The following PLCZ1 variants were observed in gnomAD, a reference collection of about 807,000 sequenced individuals.
The protein encoded by PLCZ1 is 1-phosphatidylinositol 4,5-bisphosphate phosphodiesterase zeta-1.
A neutral mutation model predicts 76.8 loss-of-function variants in PLCZ1; 64 were observed. That is an observed-to-expected ratio of 0.83 (90% CI 0.68 to 1.03). The LOEUF is 1.03. Among genes scored for constraint, PLCZ1 ranks in the 50% least tolerant of loss-of-function variants. The pLI, the probability that PLCZ1 is intolerant of heterozygous loss-of-function variation, is 0.00. For missense variants in PLCZ1, 751 were observed against 713.7 expected (o/e 1.05, Z -0.60); for synonymous variants, 248 against 230.8 (o/e 1.07, Z -0.68).
intron 3 of PLCZ1, among the ~76,000 whole-genome samples, chr12:18,730,535 C>A: frequency 6.6e-6 from 1 of 152,142 alleles, no homozygotes; most frequent in South Asian, 2.1e-4. Flanking sequence ...GTATTCTTAG[C>A]AAACTCTGTG....
the PLCZ1 span, among the ~76,000 whole-genome samples, chr12:18,655,176 G>A: frequency 1.3e-5 from 2 of 152,222 alleles, no homozygotes; most frequent in South Asian, 4.1e-4. Flanking sequence ...AGATCATACG[G>A]TGAAAATATT....
the PLCZ1 span, among the ~76,000 whole-genome samples, chr12:18,677,822 A>G: frequency 2.0e-5 from 3 of 152,196 alleles, no homozygotes; most frequent in Middle Eastern, 3.4e-3. Context: ...ATAAGCACAA[A>G]TCTATCCTTC....
rs781298617 is a variant in PLCZ1 at position 18,723,370 on chromosome 12, G to A, written c.308C>T (p.Ala103Val). ...AAAAGCAATAGCTTTACTCATCTCA[G>A]CTGCATATTGTTCTTGTGTCAGAAA... ...AQFLTQEQYA[A>V]EMSKAIAFEI... Residue 103 changes from alanine (A) to valine (V), a missense_variant, in exon 4 of 15, where the codon GCT becomes GTT. Coordinates refer to ENST00000266505, the MANE Select transcript of PLCZ1 (RefSeq NM_033123.4). 3.8e-5 allele frequency: 61 copies of A among 1,612,794 alleles called. No homozygotes were observed. The highest frequency in any genetic ancestry group is 5.2e-5 in the Non-Finnish European group (61 of 1,179,462).
intron 6 of PLCZ1, among the ~76,000 whole-genome samples, chr12:18,710,352 G>A (rs764376454): frequency 6.6e-6 from 1 of 151,646 alleles, no homozygotes; most frequent in Non-Finnish European, 1.5e-5. Context: ...AGGGGGAATA[G>A]CAAGTACAAA....
chr12:18,714,043 C>A (rs1957653006), intron 5 of PLCZ1, among the ~76,000 whole-genome samples: 1 of 152,158 alleles, frequency 6.6e-6, no homozygotes, highest in Admixed American at 6.5e-5. Flanking sequence ...TGAATAAAAG[C>A]AAATAGGGAT....
At chr12:18,652,424 G>A in the PLCZ1 span, among the ~76,000 whole-genome samples, 1 of 152,244 alleles carries the variant, frequency 6.6e-6, no homozygotes, top group East Asian at 1.9e-4. Flanking sequence ...TGCAAAAGAG[G>A]CATGGCAGAG....
chr12:18,693,791 C>T, intron 12 of PLCZ1: 1 of 1,513,614 alleles, frequency 6.6e-7, no homozygotes, highest in Non-Finnish European at 9.2e-7. Flanking sequence ...AACTTTGGAT[C>T]CAGCGCTTAT....
At chr12:18,660,549 T>C in the PLCZ1 span, among the ~76,000 whole-genome samples, 1 of 151,984 alleles carries the variant, frequency 6.6e-6, no homozygotes, top group East Asian at 1.9e-4. Flanking sequence ...TAGAGGAAAT[T>C]AGAAAGTAAC....
At chr12:18,660,787 ATG>A in the PLCZ1 span, among the ~76,000 whole-genome samples, 1 of 152,190 alleles carries the variant, frequency 6.6e-6, no homozygotes, top group African/African-American at 2.4e-5. Flanking sequence ...ACAGGAAAGT[ATG>A]TCTCATTCAA....
the PLCZ1 span, among the ~76,000 whole-genome samples, chr12:18,661,818 A>T: frequency 6.6e-6 from 1 of 152,192 alleles, no homozygotes; most frequent in African/African-American, 2.4e-5. Context: ...AAATTGTTCT[A>T]CCGTTGTAGA....
At chr12:18,737,878 CTTT>C in intron 1 of PLCZ1, 51 bp downstream of exon 1, 1 of 281,284 alleles carries the variant, frequency 3.6e-6, no homozygotes, top group Non-Finnish European at 6.7e-6. Context: ...ACTCTTGAAA[CTTT>C]GGGCTGCTTC....
intron 3 of PLCZ1, among the ~76,000 whole-genome samples, chr12:18,730,444 A>G (rs1215707277): frequency 2.0e-5 from 3 of 152,140 alleles, no homozygotes; most frequent in African/African-American, 7.2e-5. Flanking sequence ...AGATAAGAAT[A>G]GTTTATCATG....
intron 7 of PLCZ1, among the ~76,000 whole-genome samples, chr12:18,702,818 CTTTT>C (rs71064022): frequency 8.6e-6 from 1 of 116,590 alleles, no homozygotes; most frequent in African/African-American, 3.4e-5. Flanking sequence ...GATAAAGTAA[CTTTT>C]TTTTTTTTTT....
intron 12 of PLCZ1, chr12:18,693,483 C>T: frequency 1.2e-6 from 2 of 1,608,508 alleles, no homozygotes; most frequent in South Asian, 1.1e-5. Context: ...ACCTTGTTAG[C>T]CAAAGCAGTA....
chr12:18,696,019 T>C, intron 11 of PLCZ1, 131 bp downstream of exon 11: 1 of 571,016 alleles, frequency 1.8e-6, no homozygotes, highest in South Asian at 1.8e-5. Flanking sequence ...CCACCATTAG[T>C]GCCTGACCCC....
At chr12:18,689,544 A>G (rs891782268) in intron 12 of PLCZ1, among the ~76,000 whole-genome samples, 8 of 152,152 alleles carry the variant, frequency 5.3e-5, no homozygotes, top group African/African-American at 1.7e-4. Context: ...AAGCCAAAAT[A>G]TTGGACACCC....
chr12:18,657,854 G>A, the PLCZ1 span, among the ~76,000 whole-genome samples: 2 of 152,010 alleles, frequency 1.3e-5, no homozygotes, highest in African/African-American at 4.8e-5. Flanking sequence ...TTATCCCTAA[G>A]GAAGCTCATC....
At chr12:18,722,818 T>C (rs1379693043) in intron 4 of PLCZ1, among the ~76,000 whole-genome samples, 3 of 152,072 alleles carry the variant, frequency 2.0e-5, no homozygotes, top group Non-Finnish European at 4.4e-5. Flanking sequence ...ATGTTGTAGA[T>C]AATTATATTT....
At chr12:18,683,840 T>C (rs1952690010) in intron 14 of PLCZ1, among the ~76,000 whole-genome samples, 1 of 151,946 alleles carries the variant, frequency 6.6e-6, no homozygotes, top group Admixed American at 6.6e-5. Flanking sequence ...TTCTTTATGG[T>C]AGTCATGACT....
Sources: allele counts gnomAD v4.1 joint callset (sites outside exome capture counted in the v4.1 genomes callset), GRCh38; gene constraint gnomAD v4.1.1; transcripts MANE v1.5; gene names NCBI Gene and HGNC (gene_info 2026-07-23, HGNC 2026-07-21).